The following MZT2B variants were observed in gnomAD, a reference collection of about 807,000 sequenced individuals.
The protein encoded by MZT2B is mitotic-spindle organizing protein 2B.
A neutral mutation model predicts 12.1 loss-of-function variants in MZT2B; 11 were observed. That is an observed-to-expected ratio of 0.91 (90% CI 0.57 to 1.50). MZT2B has a LOEUF of 1.50. MZT2B is among the 40% of genes most tolerant of loss of function. MZT2B has a pLI of 0.00. For missense variants in MZT2B, 209 were observed against 227.7 expected (o/e 0.92, Z 0.53); for synonymous variants, 85 against 109.5 (o/e 0.78, Z 1.40).
At chr2:130,201,975 G>T in the MZT2B span, among the ~76,000 whole-genome samples, 3 of 152,164 alleles carry the variant, frequency 2.0e-5, no homozygotes, top group Non-Finnish European at 4.4e-5. Flanking sequence ...ATCATTATAT[G>T]CTACGTGACT....
intron 2 of MZT2B, chr2:130,183,437 G>A (rs1689888144): frequency 4.8e-6 from 2 of 413,454 alleles, no homozygotes; most frequent in Non-Finnish European, 9.1e-6. Flanking sequence ...TCCCTCTCCA[G>A]TGTGGTGACT....
At chr2:130,196,200 C>T in the MZT2B span, 5 of 1,614,004 alleles carry the variant, frequency 3.1e-6, no homozygotes, top group South Asian at 5.5e-5. Context: ...ACGTGCTTGC[C>T]AGCTCCAGTC....
chr2:130,190,308 G>C (rs905514051), intron 2 of MZT2B, among the ~76,000 whole-genome samples, 161 bp from the exon 3 acceptor site: 2 of 152,254 alleles, frequency 1.3e-5, no homozygotes, highest in African/African-American at 4.8e-5. Flanking sequence ...TGTCTTTAGT[G>C]GTTCTGAGTC....
chr2:130,199,220 A>T, the MZT2B span, among the ~76,000 whole-genome samples: 2 of 121,374 alleles, frequency 1.6e-5, 1 homozygote, highest in African/African-American at 5.9e-5. Context: ...TCTCAAAAAA[A>T]AAAGGAAGAA....
intron 2 of MZT2B, among the ~76,000 whole-genome samples, chr2:130,190,168 C>T (rs1334557120): frequency 6.6e-6 from 1 of 152,182 alleles, no homozygotes; most frequent in African/African-American, 2.4e-5. Context: ...ACCTACCTTT[C>T]CCTAAATGGG....
downstream of MZT2B, chr2:130,195,213 C>G (rs780009932): frequency 6.2e-7 from 1 of 1,613,948 alleles, no homozygotes; most frequent in Non-Finnish European, 8.5e-7. Context: ...CTGTAGGTCC[C>G]TGTGCGCACT....
chr2:130,185,794 C>T (rs1455929035), intron 2 of MZT2B, among the ~76,000 whole-genome samples: 1 of 151,760 alleles, frequency 6.6e-6, no homozygotes, highest in Non-Finnish European at 1.5e-5. Flanking sequence ...AATGGGGGCT[C>T]CGAGAGAATT....
At chr2:130,190,140 C>G (rs1482722788) in intron 2 of MZT2B, among the ~76,000 whole-genome samples, 2 of 152,218 alleles carry the variant, frequency 1.3e-5, no homozygotes, top group East Asian at 1.9e-4. Flanking sequence ...GCTGACCAGG[C>G]TAGGTGTGGA....
At chr2:130,181,757 G>A, upstream of MZT2B, 1 of 1,548,274 alleles carries the variant, frequency 6.5e-7, no homozygotes, top group Non-Finnish European at 8.7e-7. Flanking sequence ...GTGGTCCTTA[G>A]CTGAATGCGC....
chr2:130,197,214 G>A, the MZT2B span, among the ~76,000 whole-genome samples: 2 of 152,164 alleles, frequency 1.3e-5, no homozygotes, highest in Non-Finnish European at 2.9e-5. Context: ...GCCAAGCTGG[G>A]TGTGGTGGCT....
downstream of MZT2B, among the ~76,000 whole-genome samples, chr2:130,191,107 G>A (rs1034559555): frequency 1.5e-4 from 23 of 151,942 alleles, no homozygotes; most frequent in African/African-American, 5.6e-4. Flanking sequence ...CCATCACCAC[G>A]CCCGGCTAAT....
At chr2:130,194,297 A>G (rs200659693), downstream of MZT2B, 88 of 1,610,670 alleles carry the variant, frequency 5.5e-5, no homozygotes, top group Non-Finnish European at 7.0e-5. Context: ...GTAGGGCTCC[A>G]CCACGGCTGT....
chr2:130,204,032 A>T, the MZT2B span: 1 of 340,602 alleles, frequency 2.9e-6, no homozygotes, highest in Non-Finnish European at 5.8e-6. Context: ...CAAGCAGGGG[A>T]TTTCTCCCAT....
intron 2 of MZT2B, among the ~76,000 whole-genome samples, chr2:130,187,498 T>A (rs1373002591): frequency 1.3e-5 from 2 of 152,234 alleles, no homozygotes; most frequent in South Asian, 4.1e-4. Flanking sequence ...TGAGCCAGGC[T>A]GTTTTCAACA....
At chr2:130,195,352 G>A (rs926124563), downstream of MZT2B, 1 of 1,373,498 alleles carries the variant, frequency 7.3e-7, no homozygotes, top group African/African-American at 1.5e-5. Flanking sequence ...CATGTCATAG[G>A]TCAACAGTGG....
At chr2:130,184,095 C>G (rs1036542657) in intron 2 of MZT2B, 4 of 1,540,742 alleles carry the variant, frequency 2.6e-6, no homozygotes, top group South Asian at 2.4e-5. Context: ...GCTGCCCTGC[C>G]GCTTAGCCAC....
chr2:130,181,659 T>C (rs1210105568), upstream of MZT2B: 1 of 1,551,204 alleles, frequency 6.4e-7, no homozygotes, highest in Non-Finnish European at 8.7e-7. Flanking sequence ...TCCACCTCTT[T>C]GGGCCGTTAC....
chr2:130,198,498 G>A, the MZT2B span: 11 of 1,060,584 alleles, frequency 1.0e-5, 4 homozygotes, highest in African/African-American at 3.5e-5. Context: ...CCATTGGCTC[G>A]GAGTTCCTGG....
chr2:130,198,419 T>C, the MZT2B span: 2 of 1,353,286 alleles, frequency 1.5e-6, no homozygotes, highest in African/African-American at 1.5e-5. Flanking sequence ...CTGCCACAGC[T>C]GCTGAGCGCC....
Sources: allele counts gnomAD v4.1 joint callset (sites outside exome capture counted in the v4.1 genomes callset), GRCh38; gene constraint gnomAD v4.1.1; transcripts MANE v1.5; gene names NCBI Gene and HGNC (gene_info 2026-07-23, HGNC 2026-07-21).